The following FAAH2 variants were observed in gnomAD, a reference collection of about 807,000 sequenced individuals.
FAAH2 encodes the protein fatty acid amide hydrolase 2.
In FAAH2, 60 loss-of-function variants were observed where a neutral mutation model predicts 36.9. The observed-to-expected ratio is 1.63, with a 90% CI of 1.32 to 2.02. The LOEUF (loss-of-function observed/expected upper bound fraction) is 2.02, where lower values mean the gene tolerates loss of function less well. FAAH2 is among the 30% of genes most tolerant of loss of function. FAAH2 has a pLI of 0.00. For synonymous variants in FAAH2, 214 were observed against 143.8 expected, an observed-to-expected ratio of 1.49 and a Z score of -3.49; for missense variants, 689 against 397.5, an observed-to-expected ratio of 1.73 and a Z score of -6.23.
chrX:57,383,250 C>T (rs1394360118), intron 7 of FAAH2, among the ~76,000 whole-genome samples: 1 of 112,051 alleles, frequency 8.9e-6, no homozygotes, highest in Non-Finnish European at 1.9e-5. Context: ...GAAGCATTCC[C>T]TTTGAAAACT....
intron 7 of FAAH2, among the ~76,000 whole-genome samples, chrX:57,384,554 G>A (rs1263252002): frequency 9.0e-6 from 1 of 111,376 alleles, no homozygotes; most frequent in Non-Finnish European, 1.9e-5. Context: ...CATTTATGCA[G>A]CCAAAAGACA....
intron 10 of FAAH2, among the ~76,000 whole-genome samples, chrX:57,478,859 G>A (rs753090883): frequency 9.0e-6 from 1 of 111,503 alleles, no homozygotes; most frequent in South Asian, 3.8e-4. Flanking sequence ...CTCTGTTTTG[G>A]TACCAATACC....
chrX:57,282,266 A>G (rs777415641), upstream of FAAH2, among the ~76,000 whole-genome samples: 4 of 111,977 alleles, frequency 3.6e-5, no homozygotes, highest in Non-Finnish European at 7.5e-5. Context: ...AGCCATTCTG[A>G]CTATGTGAGA....
intron 10 of FAAH2, among the ~76,000 whole-genome samples, chrX:57,463,145 A>G (rs2056990363): frequency 1.8e-5 from 2 of 111,572 alleles, no homozygotes; most frequent in Non-Finnish European, 1.9e-5. Context: ...ACCACTGCTC[A>G]AGGAAATAAG....
At chrX:57,487,848 A>T (rs1309068759) in intron 10 of FAAH2, among the ~76,000 whole-genome samples, 2 of 112,101 alleles carry the variant, frequency 1.8e-5, no homozygotes, top group African/African-American at 3.2e-5. Context: ...TATATTGCTG[A>T]TTTTTGCAGC....
chrX:57,328,289 A>T (rs1174992521), intron 3 of FAAH2, among the ~76,000 whole-genome samples: 6 of 111,536 alleles, frequency 5.4e-5, no homozygotes. Context: ...GGGGGTCAGG[A>T]CCCACTTGAG....
chrX:57,148,034 G>C, the FAAH2 span, among the ~76,000 whole-genome samples: 2 of 111,334 alleles, frequency 1.8e-5, no homozygotes, highest in Non-Finnish European at 3.8e-5. Flanking sequence ...ACATTCTGCA[G>C]CTGTTGGATA....
intron 5 of FAAH2, among the ~76,000 whole-genome samples, chrX:57,355,731 G>T (rs1407402690): frequency 9.0e-6 from 1 of 110,655 alleles, no homozygotes; most frequent in African/African-American, 3.3e-5. Context: ...CATGCAATCT[G>T]CAGAAATAAC....
intron 8 of FAAH2, among the ~76,000 whole-genome samples, chrX:57,439,364 A>T (rs1443770420): frequency 9.0e-6 from 1 of 111,413 alleles, no homozygotes; most frequent in Non-Finnish European, 1.9e-5. Context: ...GATGATGAGC[A>T]TTTTTTCATG....
At chrX:57,451,165 T>C (rs1331801327) in intron 10 of FAAH2, among the ~76,000 whole-genome samples, 1 of 111,707 alleles carries the variant, frequency 9.0e-6, no homozygotes, top group Non-Finnish European at 1.9e-5. Flanking sequence ...GAAGTGATCT[T>C]ATTTATTACA....
At chrX:57,374,848 C>A (rs1407670062) in intron 5 of FAAH2, among the ~76,000 whole-genome samples, 1 of 111,099 alleles carries the variant, frequency 9.0e-6, no homozygotes, top group Non-Finnish European at 1.9e-5. Context: ...TGTGGGTTTC[C>A]CATAGATGGC....
At chrX:57,212,797 T>C in the FAAH2 span, among the ~76,000 whole-genome samples, 1 of 112,272 alleles carries the variant, frequency 8.9e-6, no homozygotes, top group Admixed American at 9.4e-5. Context: ...ATTTTTGTTG[T>C]TGTGTCCTTG....
chrX:57,311,987 G>T (rs1359842138), intron 3 of FAAH2, among the ~76,000 whole-genome samples: 3 of 112,175 alleles, frequency 2.7e-5, no homozygotes, highest in Non-Finnish European at 5.6e-5. Context: ...ATGGGTTTCT[G>T]GGCAAGGTGA....
At chrX:57,224,985 A>G in the FAAH2 span, among the ~76,000 whole-genome samples, 1 of 112,038 alleles carries the variant, frequency 8.9e-6, no homozygotes, top group South Asian at 3.7e-4. Context: ...GTTAGTTGAA[A>G]TATCTCCTGT....
the FAAH2 span, among the ~76,000 whole-genome samples, chrX:57,224,023 T>A: frequency 1.8e-5 from 2 of 111,772 alleles, no homozygotes; most frequent in South Asian, 7.6e-4. Context: ...TTCACCCTTA[T>A]AAGACTCCAC....
At chrX:57,316,536 AT>A (rs1306145445) in intron 3 of FAAH2, among the ~76,000 whole-genome samples, 1 of 111,422 alleles carries the variant, frequency 9.0e-6, no homozygotes, top group Non-Finnish European at 1.9e-5. Flanking sequence ...ACATAGACCA[AT>A]GGAACAGAAC....
chrX:57,149,588 G>T, the FAAH2 span, among the ~76,000 whole-genome samples: 1 of 111,419 alleles, frequency 9.0e-6, no homozygotes, highest in Non-Finnish European at 1.9e-5. Flanking sequence ...GTATTTCTGT[G>T]GGATCGGTGG....
chrX:57,488,797 A>C lies in FAAH2; in HGVS notation c.1464A>C (p.Pro488=), dbSNP rs1177581263. The change falls in exon 11 of 11, where the codon CCA becomes CCC. Residue 488 remains proline, a synonymous_variant. Coordinates refer to ENST00000374900, the MANE Select transcript of FAAH2 (RefSeq NM_174912.4). ...SALGLPVTQC[P]LGLNAKGLPL... is the part of the protein sequence containing the mutation. Reference sequence around the variant, plus strand: ...TGGGTTTGCCTGTGACCCAATGCCCACTGGGACTGAATGCCAAAGGACTCC... The same window carrying C: ...TGGGTTTGCCTGTGACCCAATGCCCCCTGGGACTGAATGCCAAAGGACTCC... 1 of 1,211,155 alleles carries C rather than the reference A, an allele frequency of 8.3e-7. No individual in the cohort carries two copies. The highest frequency in any genetic ancestry group is 1.8e-5 in the South Asian group (1 of 56,870).
At chrX:57,394,181 C>G (rs1024670204) in intron 7 of FAAH2, 1 of 650,621 alleles carries the variant, frequency 1.5e-6, no homozygotes, top group Non-Finnish European at 2.6e-6. Context: ...TGCAACACCA[C>G]CTTTTATTCC....
Sources: gnomAD v4.1 joint callset for allele counts (sites outside exome capture counted in the v4.1 genomes callset) on GRCh38, gnomAD v4.1.1 for gene constraint, MANE v1.5 for transcripts, NCBI Gene and HGNC (gene_info 2026-07-23, HGNC 2026-07-21) for gene names.